The following NRG1 variants were observed in gnomAD, a reference collection of about 807,000 sequenced individuals.
The protein encoded by NRG1 is pro-neuregulin-1, membrane-bound isoform.
A neutral mutation model predicts 63.8 loss-of-function variants in NRG1; 18 were observed. The ratio of observed to expected loss-of-function variants is 0.28; its 90% CI spans 0.19 to 0.42. The LOEUF is 0.42. Among genes scored for constraint, NRG1 ranks in the 10% least tolerant of loss-of-function variants. The probability of loss-of-function intolerance (pLI) is 1.00; values close to 1 mark genes in which losing one functional copy is unlikely to be tolerated. For missense variants in NRG1, 762 were observed against 814.7 expected (o/e 0.94, Z 0.79); for synonymous variants, 302 against 301.3 (o/e 1.00, Z -0.02).
At chr8:32,167,138 TAATA>T (rs1839488799) in intron 1 of NRG1, among the ~76,000 whole-genome samples, 1 of 152,204 alleles carries the variant, frequency 6.6e-6, no homozygotes, top group South Asian at 2.1e-4. Context: ...AATAAGGAGC[TAATA>T]AATTAATCTA....
intron 1 of NRG1, among the ~76,000 whole-genome samples, chr8:31,898,743 C>G (rs1831814334): frequency 6.6e-6 from 1 of 152,124 alleles, no homozygotes; most frequent in Non-Finnish European, 1.5e-5. Flanking sequence ...TAAATTAACT[C>G]TTGCTTGTCT....
At chr8:32,581,776 G>T (rs1840682121) in intron 1 of NRG1, among the ~76,000 whole-genome samples, 1 of 152,184 alleles carries the variant, frequency 6.6e-6, no homozygotes, top group Non-Finnish European at 1.5e-5. Context: ...ATAGGACAGA[G>T]AGTTCTCCTA....
At chr8:31,700,755 C>G (rs958225481) in intron 1 of NRG1, among the ~76,000 whole-genome samples, 1 of 152,116 alleles carries the variant, frequency 6.6e-6, no homozygotes, top group African/African-American at 2.4e-5. Context: ...CCTGTTTGTT[C>G]CTGGTACTTA....
At chr8:31,862,057 G>T (rs1374146155) in intron 1 of NRG1, among the ~76,000 whole-genome samples, 2 of 152,158 alleles carry the variant, frequency 1.3e-5, no homozygotes, top group African/African-American at 4.8e-5. Flanking sequence ...TCTTGCTTGG[G>T]TTTGGAATGT....
At position 32,145,296 on chromosome 8, in the gene NRG1, T is replaced by G. The variant is rs142672526; in HGVS notation, c.38-450532T>G. On this transcript the variant is annotated intron_variant, in intron 1 of 10. Transcript: ENST00000519301. ...ACCTGAACCAGAAGCAATTGAGTAT[T>G]TAGGTGTAACTTTCTATGACCTATT... Among the ~76,000 whole-genome samples the G allele has an allele frequency of 2.0e-3, 312 of 152,338 alleles. 2 individuals are homozygous for G. Among genetic ancestry groups the G allele is most frequent in the Non-Finnish European group, 3.1e-3 (212 of 68,022 alleles).
At chr8:32,635,110 A>G (rs982008351) in intron 5 of NRG1, among the ~76,000 whole-genome samples, 13 of 152,174 alleles carry the variant, frequency 8.5e-5, no homozygotes, top group African/African-American at 2.7e-4. Flanking sequence ...TACCACTCTA[A>G]AAATTCAAAT....
intron 1 of NRG1, among the ~76,000 whole-genome samples, chr8:31,997,156 A>G (rs1193275547): frequency 2.7e-5 from 4 of 149,042 alleles, no homozygotes; most frequent in African/African-American, 5.0e-5. Flanking sequence ...TGCCCAAAAT[A>G]TTTTAAGAAA....
intron 1 of NRG1, among the ~76,000 whole-genome samples, chr8:32,080,316 GA>G (rs1319895551): frequency 6.6e-6 from 1 of 152,112 alleles, no homozygotes; most frequent in African/African-American, 2.4e-5. Context: ...AAAGGCTAAG[GA>G]AAAAGATGAA....
At chr8:31,761,088 G>C (rs1449656178) in intron 1 of NRG1, among the ~76,000 whole-genome samples, 3 of 152,206 alleles carry the variant, frequency 2.0e-5, no homozygotes, top group Non-Finnish European at 4.4e-5. Context: ...TTAAGAAAAT[G>C]TGGCAGATAT....
At chr8:32,262,148 A>G (rs1387087031) in intron 1 of NRG1, among the ~76,000 whole-genome samples, 1 of 152,202 alleles carries the variant, frequency 6.6e-6, no homozygotes, top group Non-Finnish European at 1.5e-5. Flanking sequence ...GGTTTGGGGC[A>G]CAGCATTCTT....
At chr8:32,382,333 C>A (rs4733323) in intron 1 of NRG1, among the ~76,000 whole-genome samples, 68,209 of 151,900 alleles carry the variant, frequency 0.45, 16,728 homozygotes, top group East Asian at 0.84. Flanking sequence ...TTTTTCATAA[C>A]CGTAGAAATT....
At chr8:32,400,865 G>A (rs925321514) in intron 1 of NRG1, among the ~76,000 whole-genome samples, 5 of 152,136 alleles carry the variant, frequency 3.3e-5, no homozygotes, top group South Asian at 2.1e-4. Context: ...AGCACTGTCC[G>A]CAATAGCAAA....
chr8:31,729,429 G>A (rs1281382408), intron 1 of NRG1, among the ~76,000 whole-genome samples: 2 of 151,994 alleles, frequency 1.3e-5, no homozygotes, highest in Non-Finnish European at 2.9e-5. Flanking sequence ...AGACAAAATA[G>A]GGTCACAAAA....
At chr8:31,828,336 G>A (rs1235125535) in intron 1 of NRG1, among the ~76,000 whole-genome samples, 1 of 152,144 alleles carries the variant, frequency 6.6e-6, no homozygotes, top group Non-Finnish European at 1.5e-5. Context: ...CTTCAATATA[G>A]TTCCTGCTGT....
intron 5 of NRG1, among the ~76,000 whole-genome samples, chr8:32,635,186 AT>A: frequency 6.6e-6 from 1 of 152,200 alleles, no homozygotes. Context: ...TAAGATGGAA[AT>A]TATTTTAATG....
intron 1 of NRG1, among the ~76,000 whole-genome samples, chr8:31,774,186 CA>C (rs1364503876): frequency 6.6e-6 from 1 of 152,058 alleles, no homozygotes; most frequent in Non-Finnish European, 1.5e-5. Context: ...GGATCTTCCT[CA>C]GGGCCTTTGC....
chr8:32,283,255 CT>C (rs1853098632), intron 1 of NRG1, among the ~76,000 whole-genome samples: 2 of 151,636 alleles, frequency 1.3e-5, no homozygotes, highest in Admixed American at 1.3e-4. Flanking sequence ...CTCTTTTTTT[CT>C]TTTTCATTTG....
chr8:31,874,749 C>G (rs1829771036), intron 1 of NRG1, among the ~76,000 whole-genome samples: 1 of 151,962 alleles, frequency 6.6e-6, no homozygotes, highest in African/African-American at 2.4e-5. Flanking sequence ...TTCCCCCACC[C>G]CAACCCTCCC....
intron 1 of NRG1, among the ~76,000 whole-genome samples, chr8:31,785,979 G>C (rs117756019): frequency 2.0e-5 from 3 of 152,054 alleles, no homozygotes; most frequent in African/African-American, 7.2e-5. Context: ...TATTCACAGC[G>C]TGTTACTATA....
Sources: gnomAD v4.1 joint callset for allele counts (sites outside exome capture counted in the v4.1 genomes callset) on GRCh38, gnomAD v4.1.1 for gene constraint, MANE v1.5 for transcripts, NCBI Gene and HGNC (gene_info 2026-07-23, HGNC 2026-07-21) for gene names.